RYR3: variants seen among roughly 807,000 people sequenced by gnomAD.
RYR3 encodes the protein brain ryanodine receptor-calcium release channel.
A neutral mutation model predicts 584.3 loss-of-function variants in RYR3; 207 were observed. That is an observed-to-expected ratio of 0.35 (90% CI 0.32 to 0.40). RYR3 has a LOEUF of 0.40. Ranked by LOEUF, RYR3 falls within the 10% of genes least tolerant of loss-of-function variation. The pLI, the probability that RYR3 is intolerant of heterozygous loss-of-function variation, is 1.00. For missense variants in RYR3, 5,616 were observed against 6,089.2 expected (o/e 0.92, Z 2.59); for synonymous variants, 2,416 against 2,248.5 (o/e 1.07, Z -2.11).
chr15:33,810,422 C>T (rs41279220), intron 70 of RYR3, 57 bp from the exon 71 acceptor site: 19 of 1,586,000 alleles, frequency 1.2e-5, no homozygotes, highest in Admixed American at 3.4e-5. Context: ...GACAGGAGGC[C>T]GTTCCTTTGG....
intron 1 of RYR3, among the ~76,000 whole-genome samples, chr15:33,398,637 C>G (rs1350612617): frequency 6.6e-6 from 1 of 152,164 alleles, no homozygotes; most frequent in Non-Finnish European, 1.5e-5. Flanking sequence ...TTTTCCCACT[C>G]TCTTCTCTCC....
intron 43 of RYR3, among the ~76,000 whole-genome samples, chr15:33,721,151 G>A (rs1412667835): frequency 6.6e-6 from 1 of 152,188 alleles, no homozygotes; most frequent in African/African-American, 2.4e-5. Flanking sequence ...GTTGTTCTGT[G>A]GGAAGCCAGC....
chr15:33,806,076 T>A (rs1008035226), intron 69 of RYR3, among the ~76,000 whole-genome samples: 2 of 152,150 alleles, frequency 1.3e-5, no homozygotes, highest in African/African-American at 4.8e-5. Context: ...CTCTGTCTAA[T>A]GTTGGGTTGA....
Position 33,649,251 on chromosome 15 carries a change from A to G in RYR3, c.4142+16A>G. On this transcript the variant is annotated intron_variant, in intron 31 of 103. Coordinates refer to ENST00000634891, the MANE Select transcript of RYR3 (RefSeq NM_001036.6). ...TCCATGAAAGGTAAGGGGGCTCCCA[A>G]GTGGCAGGGTTAGCCATCGGGCTTC... 1.9e-6 allele frequency: 3 copies of G among 1,606,504 alleles called. No homozygotes were observed. Among genetic ancestry groups the G allele is most frequent in the East Asian group, 4.5e-5 (2 of 44,816 alleles).
chr15:33,585,945 C>A lies in RYR3; in HGVS notation c.1670-53C>A. The stretch of plus-strand genomic sequence containing the variant: ...CATACTCAGGTTTCTAAATTGTGGT[C>A]ACTTCTGCAGGGCATTTAATGTCCA... On this transcript the variant is annotated intron_variant, in intron 15 of 103. Transcript: ENST00000634891. The A allele has an allele frequency of 2.8e-6, 3 of 1,057,560 alleles. No individual in the cohort carries two copies. The South Asian group carries it at 3.8e-5, about 13-fold the overall frequency. 65.5% of individuals were successfully genotyped at this position (1,057,560 alleles called of 1,614,324 possible).
chr15:33,773,467 T>TTC, intron 63 of RYR3, 67 bp from the exon 64 acceptor site: 3 of 1,139,942 alleles, frequency 2.6e-6, no homozygotes, highest in Non-Finnish European at 2.6e-6. Context: ...ATTTTTTTTT[T>TTC]CCTCTTCATG....
chr15:33,763,360 A>G (rs904620356), intron 60 of RYR3, among the ~76,000 whole-genome samples: 1 of 152,142 alleles, frequency 6.6e-6, no homozygotes, highest in Non-Finnish European at 1.5e-5. Flanking sequence ...AATTTTTGCA[A>G]TCTATCTGTC....
intron 93 of RYR3, among the ~76,000 whole-genome samples, chr15:33,846,370 C>T (rs1449806923): frequency 1.3e-5 from 2 of 152,310 alleles, no homozygotes; most frequent in South Asian, 2.1e-4. Context: ...TTCCAGGAGG[C>T]GTGGTTCCTT....
chr15:33,589,968 G>A (rs2059045434), intron 16 of RYR3, among the ~76,000 whole-genome samples: 1 of 152,148 alleles, frequency 6.6e-6, no homozygotes, highest in Non-Finnish European at 1.5e-5. Context: ...ATTTCACCTG[G>A]GTGCAGGTGG....
chr15:33,507,038 A>G (rs1219677436), intron 3 of RYR3, among the ~76,000 whole-genome samples: 1 of 152,192 alleles, frequency 6.6e-6, no homozygotes, highest in African/African-American at 2.4e-5. Flanking sequence ...GCTTTCACTA[A>G]TGATCATGAC....
intron 1 of RYR3, among the ~76,000 whole-genome samples, chr15:33,386,127 T>TC (rs1470447844): frequency 2.5e-4 from 38 of 152,346 alleles, no homozygotes; most frequent in African/African-American, 8.4e-4. Context: ...TATCAATTTG[T>TC]CTTAAGGTGG....
At chr15:33,478,579 C>T (rs1880894823) in intron 2 of RYR3, among the ~76,000 whole-genome samples, 1 of 152,198 alleles carries the variant, frequency 6.6e-6, no homozygotes, top group Admixed American at 6.5e-5. Context: ...ACATGACTTA[C>T]ATACAGGTTG....
chr15:33,603,127 C>T lies in RYR3; in HGVS notation c.1927C>T (p.Arg643Trp), dbSNP rs747174943. ...TRLINDVTSI[R>W]PNIFLGVAEG... ...CTTGCCCATGTTTACTTTCAGTATC[C>T]GGCCAAACATCTTCCTGGGAGTCGC... Residue 643 changes from arginine to tryptophan, a missense_variant, in exon 18 of 104, where the codon CGG (arginine) becomes TGG (tryptophan). Physicochemically the swap from Arg to Trp is moderately radical, Grantham distance 101. Coordinates refer to ENST00000634891, the MANE Select transcript of RYR3 (RefSeq NM_001036.6). The T allele has an allele frequency of 1.7e-5, 28 of 1,613,342 alleles. No individual in the cohort carries two copies. The highest frequency in any genetic ancestry group is 8.9e-5 in the East Asian group (4 of 44,882).
chr15:33,567,354 T>C (rs1397211159), intron 12 of RYR3, among the ~76,000 whole-genome samples: 1 of 152,206 alleles, frequency 6.6e-6, no homozygotes, highest in Non-Finnish European at 1.5e-5. Flanking sequence ...TTTTCACCAA[T>C]TACCATGAGA....
chr15:33,837,587 G>T (rs1313871833), intron 88 of RYR3, 44 bp from the exon 89 acceptor site: 28 of 1,500,402 alleles, frequency 1.9e-5, no homozygotes, highest in Non-Finnish European at 2.3e-5. Context: ...TGATAGCTTG[G>T]GTTTATTTGT....
Position 33,670,479 on chromosome 15 carries a change from G to C in RYR3, c.5783G>C (p.Cys1928Ser). Reference sequence around the variant, plus strand: ...GACACCTCCTGGACAGGAAAACTCTGTGCCTTGGTTTACAAAATCAAAGGC... The same window carrying C: ...GACACCTCCTGGACAGGAAAACTCTCTGCCTTGGTTTACAAAATCAAAGGC... Reference protein sequence around the residue: ...EEDTSWTGKLCALVYKIKGPP... With the variant: ...EEDTSWTGKLSALVYKIKGPP... The change falls in exon 38 of 104, where the codon TGT becomes TCT. Residue 1928 changes from cysteine (C) to serine (S), a missense_variant. Physicochemically the swap from Cys to Ser is moderately radical, Grantham distance 112. This residue lies in a region of RYR3 where 1,280 missense variants were observed against 1,426.2 expected (regional missense o/e 0.90). Coordinates refer to ENST00000634891, the MANE Select transcript of RYR3 (RefSeq NM_001036.6). 1 of 1,610,446 alleles carries C rather than the reference G, an allele frequency of 6.2e-7. No individual in the cohort carries two copies. Among genetic ancestry groups the C allele is most frequent in the South Asian group, 1.1e-5 (1 of 90,138 alleles).
chr15:33,827,030 G>C (rs534964423), intron 84 of RYR3, among the ~76,000 whole-genome samples, 169 bp from the exon 85 acceptor site: 2 of 152,068 alleles, frequency 1.3e-5, no homozygotes, highest in Non-Finnish European at 2.9e-5. Flanking sequence ...CCGCAGGTTG[G>C]GGGGGTGCTC....
chr15:33,829,455 A>G (rs1487243603), intron 85 of RYR3, among the ~76,000 whole-genome samples: 2 of 152,204 alleles, frequency 1.3e-5, no homozygotes, highest in African/African-American at 4.8e-5. Context: ...GATGTCATTA[A>G]AAAACATTGT....
rs150146398 is a variant in RYR3, at chr15:33,658,423, C to G, written c.4309-1297C>G. On this transcript the variant is annotated intron_variant, in intron 32 of 103. Coordinates refer to ENST00000634891, the MANE Select transcript of RYR3 (RefSeq NM_001036.6). ...TGGAGAAGCTTTCTCTCCAGTCCACCAAGATGAAGTTTTACATAAAATAAT... is the reference window on the plus strand; with the variant it reads ...TGGAGAAGCTTTCTCTCCAGTCCACGAAGATGAAGTTTTACATAAAATAAT... Among the ~76,000 whole-genome samples the G allele has an allele frequency of 9.5e-4, 144 of 152,296 alleles. 1 individual carries two copies. The highest frequency in any genetic ancestry group is 3.4e-3 in the African/African-American group (142 of 41,558).
Sources: allele counts gnomAD v4.1 joint callset (sites outside exome capture counted in the v4.1 genomes callset), GRCh38; gene constraint gnomAD v4.1.1; regional missense constraint gnomAD v4.1.1; transcripts MANE v1.5; gene names NCBI Gene and HGNC (gene_info 2026-07-23, HGNC 2026-07-21).